The following SCN1A variants were observed in gnomAD, a reference collection of about 807,000 sequenced individuals.
The protein encoded by SCN1A is sodium channel protein type 1 subunit alpha.
In SCN1A, 13 loss-of-function variants were observed where a neutral mutation model predicts 193.7. That is an observed-to-expected ratio of 0.07 (90% CI 0.04 to 0.11). The LOEUF (loss-of-function observed/expected upper bound fraction) is 0.11. Among genes scored for constraint, SCN1A ranks in the 10% least tolerant of loss-of-function variants. SCN1A has a pLI of 1.00. For synonymous variants in SCN1A, 781 were observed against 843.6 expected, an observed-to-expected ratio of 0.93 and a Z score of 1.29; for missense variants, 1,432 against 2,451.1, an observed-to-expected ratio of 0.58 and a Z score of 8.78.
In SCN1A at chr2:166,050,629, A is replaced by ATATG. The variant is rs1159985194; in HGVS notation, c.964+1089_964+1090insCATA. Reference sequence around the variant, plus strand: ...TTAAAAAAAGTATATATATATATATATATATATATGTGTGTATATATTTTT... The same window carrying ATATG: ...TTAAAAAAAGTATATATATATATATATATGTATATATATGTGTGTATATATTTTT... On this transcript the variant is annotated intron_variant, in intron 9 of 28. Transcript: ENST00000674923. 3.2e-4 allele frequency among the ~76,000 whole-genome samples: 25 copies of ATATG among 79,148 alleles called. 1 individual carries two copies. Among genetic ancestry groups the ATATG allele is most frequent in the African/African-American group, 1.4e-3 (24 of 17,614 alleles). 51.9% of individuals were successfully genotyped at this position (79,148 alleles called of 152,430 possible).
chr2:166,117,806 T>C (rs372192736), intron 2 of SCN1A, among the ~76,000 whole-genome samples: 19 of 151,706 alleles, frequency 1.3e-4, no homozygotes, highest in South Asian at 2.1e-4. Flanking sequence ...CTGGCCAACA[T>C]AGAAAAATTA....
At chr2:166,001,511 G>C (rs1479282783) in intron 24 of SCN1A, among the ~76,000 whole-genome samples, 1 of 151,480 alleles carries the variant, frequency 6.6e-6, no homozygotes, top group East Asian at 2.0e-4. Flanking sequence ...TCATAACCTT[G>C]GTGAGCAAAA....
At chr2:166,069,799 A>G (rs980324394) in intron 4 of SCN1A, among the ~76,000 whole-genome samples, 4 of 152,248 alleles carry the variant, frequency 2.6e-5, no homozygotes, top group African/African-American at 9.6e-5. Flanking sequence ...TGCATATTCC[A>G]TTTCACTCAG....
chr2:166,128,832 G>GT (rs1691508939), upstream of SCN1A, among the ~76,000 whole-genome samples: 1 of 152,086 alleles, frequency 6.6e-6, no homozygotes, highest in Non-Finnish European at 1.5e-5. Context: ...ATGAATATCA[G>GT]TTTTTTCTAA....
intron 1 of SCN1A, among the ~76,000 whole-genome samples, chr2:166,133,530 A>C (rs1402218265): frequency 6.6e-6 from 1 of 152,204 alleles, no homozygotes; most frequent in African/African-American, 2.4e-5. Flanking sequence ...ATTACTTTTT[A>C]TCACTTGATG....
chr2:166,063,110 G>A (rs1050604834), intron 4 of SCN1A, among the ~76,000 whole-genome samples: 1 of 151,980 alleles, frequency 6.6e-6, no homozygotes, highest in Admixed American at 6.6e-5. Flanking sequence ...CTTAATATTT[G>A]TCCTTCAGTT....
intron 2 of SCN1A, among the ~76,000 whole-genome samples, chr2:166,095,926 C>T (rs1687326513): frequency 6.6e-6 from 1 of 152,140 alleles, no homozygotes; most frequent in Non-Finnish European, 1.5e-5. Context: ...ATCATCATTA[C>T]TTACCTTGAA....
At chr2:166,032,441 G>C (rs1695773649) in intron 19 of SCN1A, among the ~76,000 whole-genome samples, 1 of 152,068 alleles carries the variant, frequency 6.6e-6, no homozygotes, top group Non-Finnish European at 1.5e-5. Flanking sequence ...GGCATCTGCT[G>C]TCAGCTTAAT....
intron 21 of SCN1A, among the ~76,000 whole-genome samples, chr2:166,013,166 T>A (rs970252537): frequency 2.6e-5 from 4 of 151,488 alleles, no homozygotes; most frequent in African/African-American, 9.7e-5. Flanking sequence ...AATAAATTGA[T>A]TCTGATGAAG....
intron 2 of SCN1A, among the ~76,000 whole-genome samples, chr2:166,115,052 C>G (rs780123100): frequency 6.6e-6 from 1 of 152,014 alleles, no homozygotes; most frequent in African/African-American, 2.4e-5. Flanking sequence ...AATAATTAGA[C>G]TCAAGCAAAG....
rs1157460857 is a variant in SCN1A at position 166,036,326 on chromosome 2, G to A, written c.3151C>T (p.Leu1051Phe). The A allele has an allele frequency of 3.7e-6, 6 of 1,612,696 alleles. No homozygotes were observed. Among genetic ancestry groups the A allele is most frequent in the African/African-American group, 2.7e-5 (2 of 74,930 alleles). Residue 1051 changes from leucine to phenylalanine, a missense_variant, in exon 19 of 29, where the codon CTT becomes TTT. By Grantham distance (22) the Leu-to-Phe change is conservative (BLOSUM62 0). This residue lies in a region of SCN1A where 198 missense variants were observed against 225.8 expected (regional missense o/e 0.88). Coordinates refer to ENST00000674923, the MANE Select transcript of SCN1A (RefSeq NM_001165963.4). ...TCTTTCTTGTTGTTTAGATCATCAA[G>A]TGGTTTAATTTCATCTAAAATCTTT... is the stretch of plus-strand genomic sequence containing the variant. ...KQKILDEIKP[L>F]DDLNNKKDSC...
chr2:166,065,435 A>T (rs1683733958), intron 4 of SCN1A, among the ~76,000 whole-genome samples: 2 of 151,946 alleles, frequency 1.3e-5, no homozygotes, highest in Non-Finnish European at 2.9e-5. Flanking sequence ...ATGGTATATA[A>T]TATTTTTTCC....
At chr2:166,132,107 G>A (rs781451668), upstream of SCN1A, among the ~76,000 whole-genome samples, 2 of 152,146 alleles carry the variant, frequency 1.3e-5, no homozygotes, top group Non-Finnish European at 2.9e-5. Flanking sequence ...GTATCCCAAA[G>A]GAGATGGTGG....
intron 19 of SCN1A, chr2:166,016,778 G>A (rs1693364752): frequency 6.6e-6 from 1 of 151,746 alleles, no homozygotes; most frequent in African/African-American, 2.4e-5. Context: ...ATCTAGTACA[G>A]TATTTTCTAA....
At chr2:166,130,409 C>T (rs973967933), upstream of SCN1A, among the ~76,000 whole-genome samples, 8 of 152,294 alleles carry the variant, frequency 5.3e-5, no homozygotes, top group East Asian at 7.7e-4. Flanking sequence ...AAAGGCACAA[C>T]GCATTCAGTG....
chr2:166,055,813 A>T (rs1443218826), intron 6 of SCN1A, among the ~76,000 whole-genome samples: 1 of 151,986 alleles, frequency 6.6e-6, no homozygotes, highest in Non-Finnish European at 1.5e-5. Context: ...GATCATCAAT[A>T]TAGTTAGTAA....
rs978637413 is a variant in SCN1A at position 165,995,943 on chromosome 2, C to CT, written c.4581+69dup. The CT allele has an allele frequency of 3.8e-5, 40 of 1,064,560 alleles. No individual in the cohort carries two copies. In the African/African-American group the frequency reaches 5.3e-4, roughly 14 times the overall value. 65.9% of individuals were successfully genotyped at this position (1,064,560 alleles called of 1,614,324 possible). ...TTCTACTGGAAATGTTAGCTACTTT[C>CT]TTTTTTGTGAGACAAGCATGCAAGT... On this transcript the variant is annotated intron_variant, in intron 27 of 28. Coordinates refer to ENST00000674923, the MANE Select transcript of SCN1A (RefSeq NM_001165963.4).
chr2:166,019,048 G>T (rs999762834), intron 19 of SCN1A, among the ~76,000 whole-genome samples: 1 of 152,120 alleles, frequency 6.6e-6, no homozygotes, highest in Non-Finnish European at 1.5e-5. Flanking sequence ...TGGGACCATG[G>T]GTGGGCTGTA....
intron 2 of SCN1A, among the ~76,000 whole-genome samples, chr2:166,118,426 C>T (rs1233703871): frequency 6.9e-6 from 1 of 144,474 alleles, no homozygotes; most frequent in Non-Finnish European, 1.5e-5. Context: ...CTTCCAAAGG[C>T]ACTCTTGCCT....
Sources: allele counts gnomAD v4.1 joint callset (sites outside exome capture counted in the v4.1 genomes callset), GRCh38; gene constraint gnomAD v4.1.1; regional missense constraint gnomAD v4.1.1; transcripts MANE v1.5; gene names NCBI Gene and HGNC (gene_info 2026-07-23, HGNC 2026-07-21).